The following DDX50 variants were observed in gnomAD, a reference collection of about 807,000 sequenced individuals.
The protein encoded by DDX50 is DExD-box helicase 50.
In DDX50, 56 loss-of-function variants were observed where a neutral mutation model predicts 94.8. The observed-to-expected ratio is 0.59, with a 90% CI of 0.48 to 0.74. The LOEUF is 0.74. Among genes scored for constraint, DDX50 ranks in the 30% least tolerant of loss-of-function variants. DDX50 has a pLI of 0.00. For missense variants in DDX50, 713 were observed against 881.2 expected (o/e 0.81, Z 2.42); for synonymous variants, 264 against 295.4 (o/e 0.89, Z 1.09).
chr10:68,917,085 C>T (rs187230582), intron 7 of DDX50, among the ~76,000 whole-genome samples: 2 of 152,118 alleles, frequency 1.3e-5, no homozygotes, highest in Admixed American at 1.3e-4. Flanking sequence ...CAATTCTTGA[C>T]GTTGCTACTG....
At chr10:68,938,590 G>C (rs1276258161) in intron 12 of DDX50, among the ~76,000 whole-genome samples, 1 of 152,090 alleles carries the variant, frequency 6.6e-6, no homozygotes, top group Non-Finnish European at 1.5e-5. Flanking sequence ...ATGGGGAGGA[G>C]GAAACAAAAA....
chr10:68,915,730 A>G (rs901080737), intron 7 of DDX50, among the ~76,000 whole-genome samples: 2 of 151,706 alleles, frequency 1.3e-5, no homozygotes, highest in Non-Finnish European at 2.9e-5. Context: ...AAAAAAAAAG[A>G]AAAAAGAACT....
intron 11 of DDX50, 76 bp from the exon 12 acceptor site, chr10:68,936,860 T>C (rs1169000648): frequency 8.3e-6 from 12 of 1,444,988 alleles, no homozygotes; most frequent in Non-Finnish European, 1.1e-5. Flanking sequence ...AAATTACTCC[T>C]TCTTTTTCCC....
intron 8 of DDX50, among the ~76,000 whole-genome samples, chr10:68,926,301 G>T (rs559352921): frequency 4.6e-5 from 7 of 151,002 alleles, no homozygotes; most frequent in Non-Finnish European, 1.0e-4. Context: ...AAAATATTCA[G>T]TAGCGGTTGT....
At chr10:68,946,307 G>A in intron 14 of DDX50, 45 bp from the exon 15 acceptor site, 1 of 1,548,548 alleles carries the variant, frequency 6.5e-7, no homozygotes, top group East Asian at 2.3e-5. Flanking sequence ...TTTGCTTATG[G>A]TTTCTATTTT....
chr10:68,928,837 C>T (rs953530814), intron 8 of DDX50, among the ~76,000 whole-genome samples: 1 of 152,342 alleles, frequency 6.6e-6, no homozygotes, highest in Non-Finnish European at 1.5e-5. Flanking sequence ...TTGCTTAAAC[C>T]AGAAATTTAT....
At chr10:68,937,118 T>G in intron 12 of DDX50, 23 bp downstream of exon 12, 1 of 1,573,736 alleles carries the variant, frequency 6.4e-7, no homozygotes, top group Non-Finnish European at 8.7e-7. Flanking sequence ...GAGAAAATTG[T>G]ACATGAGTGG....
At chr10:68,913,674 G>A (rs5030891) in intron 6 of DDX50, 98 bp downstream of exon 6, 735,494 of 1,147,616 alleles carry the variant, frequency 0.64, 237,643 homozygotes, top group East Asian at 0.84. Context: ...TGTCCCCTGC[G>A]TTCTAACAAA....
At chr10:68,918,424 C>T (rs1213177574) in intron 7 of DDX50, among the ~76,000 whole-genome samples, 1 of 145,036 alleles carries the variant, frequency 6.9e-6, no homozygotes, top group Non-Finnish European at 1.5e-5. Flanking sequence ...CTCTCCATTC[C>T]CTCCTTTTTT....
In DDX50 at chr10:68,922,081, TTTC is replaced by T. The variant is rs763608136; in HGVS notation, c.1239+2106_1239+2108del. ...CATTTGGTTTTACAGTTGCTTTGGT[TTTC>T]TTCTTTAAGGACTCTTGTTGTGCAT... On this transcript the variant is annotated intron_variant, in intron 8 of 14. Coordinates refer to ENST00000373585, the MANE Select transcript of DDX50 (RefSeq NM_024045.2). Among the ~76,000 whole-genome samples the T allele has an allele frequency of 2.6e-4, 39 of 152,322 alleles. No homozygotes were observed. The Middle Eastern group carries it at 0.01, about 40-fold the overall frequency.
At chr10:68,909,117 C>T (rs1037170222) in intron 2 of DDX50, among the ~76,000 whole-genome samples, 2 of 152,068 alleles carry the variant, frequency 1.3e-5, no homozygotes, top group Non-Finnish European at 2.9e-5. Context: ...TGAGCCACCA[C>T]GCCTGGCCGA....
chr10:68,913,085 T>TA (rs1026792567), intron 4 of DDX50, 77 bp from the exon 5 acceptor site: 8 of 1,223,380 alleles, frequency 6.5e-6, no homozygotes, highest in South Asian at 5.8e-5. Context: ...TAAATGCACC[T>TA]AAAAAAAGTC....
chr10:68,922,481 G>A (rs1841967475), intron 8 of DDX50, among the ~76,000 whole-genome samples: 1 of 151,836 alleles, frequency 6.6e-6, no homozygotes, highest in Non-Finnish European at 1.5e-5. Flanking sequence ...CTTGATTTTT[G>A]TTCTTTATTA....
intron 3 of DDX50, 38 bp downstream of exon 3, chr10:68,910,420 T>A (rs1010473733): frequency 1.3e-6 from 2 of 1,547,710 alleles, no homozygotes; most frequent in Non-Finnish European, 1.8e-6. Flanking sequence ...GTTGTTGTTT[T>A]GAGACAGAGC....
intron 14 of DDX50, among the ~76,000 whole-genome samples, chr10:68,945,055 A>T (rs1439699069): frequency 6.6e-6 from 1 of 152,128 alleles, no homozygotes; most frequent in Non-Finnish European, 1.5e-5. Flanking sequence ...TCTGAAATTT[A>T]GATTATTTCT....
intron 14 of DDX50, among the ~76,000 whole-genome samples, chr10:68,944,693 A>T (rs1365432569): frequency 2.6e-5 from 4 of 151,854 alleles, no homozygotes; most frequent in African/African-American, 9.7e-5. Flanking sequence ...ACTACAGGCA[A>T]ATGCCACCAC....
chr10:68,931,447 A>ACACACACAC (rs10525578), intron 8 of DDX50, among the ~76,000 whole-genome samples: 4 of 135,004 alleles, frequency 3.0e-5, no homozygotes, highest in Admixed American at 7.5e-5. Context: ...ACACACACAC[A>ACACACACAC]ATTTTTTTTT....
At chr10:68,936,859 C>CTTCTTTTT in intron 11 of DDX50, 77 bp from the exon 12 acceptor site, 1 of 1,431,366 alleles carries the variant, frequency 7.0e-7, no homozygotes, top group Non-Finnish European at 9.4e-7. Context: ...AAAATTACTC[C>CTTCTTTTT]TTCTTTTTCC....
intron 8 of DDX50, among the ~76,000 whole-genome samples, chr10:68,923,704 C>T (rs1308547850): frequency 4.0e-5 from 6 of 151,476 alleles, no homozygotes; most frequent in Admixed American, 6.6e-5. Context: ...CCACCACACC[C>T]GGCTAATTTT....
Sources: gnomAD v4.1 joint callset for allele counts (sites outside exome capture counted in the v4.1 genomes callset) on GRCh38, gnomAD v4.1.1 for gene constraint, MANE v1.5 for transcripts, NCBI Gene and HGNC (gene_info 2026-07-23, HGNC 2026-07-21) for gene names.